Variants in SYCP1 observed in about 807,000 individuals in gnomAD.
SYCP1 encodes synaptonemal complex protein 1.
In SYCP1, 64 loss-of-function variants were observed where a neutral mutation model predicts 153.1. The ratio of observed to expected loss-of-function variants is 0.42; its 90% CI spans 0.34 to 0.51. The LOEUF is 0.51. Among genes scored for constraint, SYCP1 ranks in the 20% least tolerant of loss-of-function variants. The probability of loss-of-function intolerance (pLI) is 0.06; values close to 1 mark genes in which losing one functional copy is unlikely to be tolerated. For missense variants in SYCP1, 997 were observed against 1,049.0 expected, an observed-to-expected ratio of 0.95 and a Z score of 0.68; for synonymous variants, 384 against 341.8, an observed-to-expected ratio of 1.12 and a Z score of -1.36.
At position 114,913,972 on chromosome 1, in the gene SYCP1, T is replaced by C; in HGVS notation, c.1648-3T>C. ...ATTGATATAAACAACATTATTTCTT[T>C]AGAATAACAAAAAGCAAGAAGAAAG... On this transcript the variant is annotated splice_polypyrimidine_tract_variant and splice_region_variant and intron_variant, in intron 19 of 31. Coordinates refer to ENST00000369522, the MANE Select transcript of SYCP1 (RefSeq NM_003176.4). The C allele has an allele frequency of 1.3e-6, 2 of 1,545,352 alleles. No homozygotes were observed. Among genetic ancestry groups the C allele is most frequent in the Non-Finnish European group, 1.7e-6 (2 of 1,144,752 alleles).
At chr1:114,907,370 C>T (rs973356157) in intron 16 of SYCP1, among the ~76,000 whole-genome samples, 2 of 151,966 alleles carry the variant, frequency 1.3e-5, no homozygotes, top group African/African-American at 4.8e-5. Flanking sequence ...AGTTGTTTTC[C>T]GTTTGCTCCT....
chr1:114,867,854 T>G (rs1284687867), intron 8 of SYCP1, among the ~76,000 whole-genome samples: 1 of 152,156 alleles, frequency 6.6e-6, no homozygotes, highest in East Asian at 1.9e-4. Context: ...GTGGGAAAGC[T>G]TCTAGTTTCT....
chr1:114,950,217 T>C (rs1671006729), intron 27 of SYCP1, among the ~76,000 whole-genome samples: 2 of 152,210 alleles, frequency 1.3e-5, no homozygotes, highest in South Asian at 4.1e-4. Flanking sequence ...CTTTTGGCCT[T>C]GAGACTGACG....
In SYCP1 at chr1:114,923,456, C is replaced by A; in HGVS notation, c.1726C>A (p.Leu576Ile). ...TCTTCCATTTTCTTTTAGAAATGAA[C>A]TAGAATATGTGAGAGAAGAGCTAAA... Reference protein sequence around the residue: ...QETETQLRNELEYVREELKQK... With the variant: ...QETETQLRNEIEYVREELKQK... The change falls in exon 21 of 32, where the codon CTA becomes ATA. Residue 576 changes from leucine (L) to isoleucine (I), a missense_variant. Coordinates refer to ENST00000369522, the MANE Select transcript of SYCP1 (RefSeq NM_003176.4). 6.3e-7 allele frequency: 1 copy of A among 1,580,708 alleles called. No homozygotes were observed. The highest frequency in any genetic ancestry group is 8.6e-7 in the Non-Finnish European group (1 of 1,160,278).
intron 12 of SYCP1, among the ~76,000 whole-genome samples, chr1:114,881,496 G>T (rs1665923640): frequency 1.2e-5 from 1 of 84,624 alleles, no homozygotes; most frequent in Non-Finnish European, 2.9e-5. Flanking sequence ...CACATGGAAG[G>T]TATTATCCTT....
At chr1:114,974,184 A>G (rs950936257) in intron 27 of SYCP1, among the ~76,000 whole-genome samples, 1 of 151,516 alleles carries the variant, frequency 6.6e-6, no homozygotes, top group African/African-American at 2.4e-5. Context: ...TGTTGATATG[A>G]TATGTATCAG....
At chr1:114,872,743 G>A (rs1478597059) in intron 8 of SYCP1, among the ~76,000 whole-genome samples, 1 of 152,002 alleles carries the variant, frequency 6.6e-6, no homozygotes, top group Non-Finnish European at 1.5e-5. Context: ...CAGTTTTTGA[G>A]GTTTCTGTTG....
intron 16 of SYCP1, among the ~76,000 whole-genome samples, chr1:114,900,110 G>GA (rs1667324887): frequency 6.6e-6 from 1 of 152,280 alleles, no homozygotes; most frequent in African/African-American, 2.4e-5. Context: ...TCAATTTACA[G>GA]AAAAACCCTA....
intron 12 of SYCP1, among the ~76,000 whole-genome samples, chr1:114,881,780 A>C (rs1367618291): frequency 1.3e-5 from 2 of 152,094 alleles, no homozygotes; most frequent in Non-Finnish European, 2.9e-5. Context: ...GGGATTACAG[A>C]TGTGAACCAC....
intron 9 of SYCP1, 57 bp from the exon 10 acceptor site, chr1:114,876,012 T>A (rs1570678302): frequency 2.5e-6 from 3 of 1,191,044 alleles, no homozygotes; most frequent in Non-Finnish European, 2.3e-6. Flanking sequence ...ATTTTCATAG[T>A]TTGAAGAAAG....
Position 114,984,849 on chromosome 1 carries a change from C to A in SYCP1, c.2684C>A (p.Ser895Ter). Residue 895 changes from serine to a stop codon, truncating the protein, a stop_gained, in exon 30 of 32, where the codon TCA becomes TAA. Transcript: ENST00000369522. LOFTEE classifies it high-confidence loss of function. ...GAATTTGATATTAATTCAGATAGTT[C>A]AGAAACTACTGATCTTTTGGTAAAA... ...AFEFDINSDS[S>*]ETTDLLSMVS... 7.0e-7 allele frequency: 1 copy of A among 1,437,854 alleles called. No individual in the cohort carries two copies. Among genetic ancestry groups the A allele is most frequent in the Non-Finnish European group, 9.3e-7 (1 of 1,076,460 alleles). 89.1% of individuals were successfully genotyped at this position (1,437,854 alleles called of 1,614,324 possible).
chr1:114,860,456 CTTG>C (rs1388132343), intron 7 of SYCP1, among the ~76,000 whole-genome samples: 2 of 152,196 alleles, frequency 1.3e-5, no homozygotes, highest in Admixed American at 1.3e-4. Flanking sequence ...TGGGTAGAAA[CTTG>C]TTAAGGAGCT....
intron 8 of SYCP1, among the ~76,000 whole-genome samples, chr1:114,864,034 A>C (rs994282192): frequency 1.3e-5 from 2 of 151,752 alleles, no homozygotes; most frequent in African/African-American, 4.9e-5. Context: ...TGGGGCTTAA[A>C]ACCTAGATGA....
intron 16 of SYCP1, among the ~76,000 whole-genome samples, chr1:114,906,569 A>G (rs1667821598): frequency 6.6e-6 from 1 of 152,088 alleles, no homozygotes; most frequent in African/African-American, 2.4e-5. Flanking sequence ...ATTCTCATTT[A>G]GTTTAAAATA....
intron 27 of SYCP1, among the ~76,000 whole-genome samples, chr1:114,947,952 C>A (rs1164070145): frequency 6.7e-6 from 1 of 149,670 alleles, no homozygotes; most frequent in Non-Finnish European, 1.5e-5. Context: ...TACATGTGCA[C>A]AACGTGCAGG....
intron 27 of SYCP1, among the ~76,000 whole-genome samples, chr1:114,950,582 A>C (rs1189944065): frequency 6.6e-6 from 1 of 152,124 alleles, no homozygotes; most frequent in African/African-American, 2.4e-5. Flanking sequence ...TATAGAGATA[A>C]TACCTTTAGG....
intron 12 of SYCP1, among the ~76,000 whole-genome samples, chr1:114,884,099 G>A (rs548381274): frequency 2.0e-5 from 3 of 152,236 alleles, no homozygotes; most frequent in African/African-American, 7.2e-5. Context: ...ACGTACTTCT[G>A]TTGCTTAACA....
At chr1:114,990,590 A>G (rs1323606589) in intron 30 of SYCP1, among the ~76,000 whole-genome samples, 1 of 151,848 alleles carries the variant, frequency 6.6e-6, no homozygotes, top group Non-Finnish European at 1.5e-5. Flanking sequence ...CTTTAGCTAG[A>G]GAGAGAGAAC....
At chr1:114,936,457 G>A (rs1670021286) in intron 23 of SYCP1, among the ~76,000 whole-genome samples, 1 of 152,140 alleles carries the variant, frequency 6.6e-6, no homozygotes, top group Admixed American at 6.6e-5. Flanking sequence ...TACTGAGTGG[G>A]CAAAAACTGG....
Sources: gnomAD v4.1 joint callset for allele counts (sites outside exome capture counted in the v4.1 genomes callset) on GRCh38, gnomAD v4.1.1 for gene constraint, MANE v1.5 for transcripts, NCBI Gene and HGNC (gene_info 2026-07-23, HGNC 2026-07-21) for gene names.